The following ADAMTSL1 variants were observed in gnomAD, a reference collection of about 807,000 sequenced individuals.
ADAMTSL1 encodes the protein ADAMTS like 1, also known as ADAMTS-like protein 1.
In ADAMTSL1, 126 loss-of-function variants were observed where a neutral mutation model predicts 201.8. The ratio of observed to expected loss-of-function variants is 0.62; its 90% CI spans 0.54 to 0.72. The LOEUF is 0.72. ADAMTSL1 is among the 30% of genes least tolerant of loss of function. ADAMTSL1 has a pLI of 0.00. For synonymous variants in ADAMTSL1, 1,121 were observed against 903.4 expected, an observed-to-expected ratio of 1.24 and a Z score of -4.32; for missense variants, 2,679 against 2,277.8, an observed-to-expected ratio of 1.18 and a Z score of -3.59.
In ADAMTSL1 at chr9:18,286,981, T is replaced by C. The variant is rs534904901; in HGVS notation, c.207+123000T>C. On this transcript the variant is annotated intron_variant, in intron 2 of 29. Transcript: ENST00000680146. ...TTAAGAGATAAACTGTATAAAACAC[T>C]ATCAGCCAGGATAGGCCAAGGGTAA... Among the ~76,000 whole-genome samples, 20 of 152,310 alleles carry C rather than the reference T, an allele frequency of 1.3e-4. No homozygotes were observed. In the South Asian group the frequency reaches 4.1e-3, roughly 32 times the overall value.
At chr9:17,956,349 G>T (rs1206851259) in intron 1 of ADAMTSL1, among the ~76,000 whole-genome samples, 1 of 152,128 alleles carries the variant, frequency 6.6e-6, no homozygotes, top group Non-Finnish European at 1.5e-5. Context: ...TAGCATAATA[G>T]TATTGATAGT....
chr9:17,948,595 T>G (rs1827605525), intron 1 of ADAMTSL1, among the ~76,000 whole-genome samples: 1 of 152,216 alleles, frequency 6.6e-6, no homozygotes, highest in Non-Finnish European at 1.5e-5. Context: ...GTCAGATGAA[T>G]ACTAGTTTCT....
chr9:18,818,762 C>T (rs1824018596), intron 21 of ADAMTSL1, among the ~76,000 whole-genome samples: 1 of 152,002 alleles, frequency 6.6e-6, no homozygotes. Context: ...AGCACTCCAG[C>T]CTGGGTGACA....
chr9:18,561,468 T>A (rs1821493243), intron 3 of ADAMTSL1, among the ~76,000 whole-genome samples: 1 of 152,176 alleles, frequency 6.6e-6, no homozygotes, highest in Non-Finnish European at 1.5e-5. Flanking sequence ...AATTTTAGAA[T>A]AAGTGTAATG....
chr9:18,587,711 C>T (rs1823601539), intron 4 of ADAMTSL1, among the ~76,000 whole-genome samples: 2 of 152,122 alleles, frequency 1.3e-5, no homozygotes, highest in Admixed American at 1.3e-4. Context: ...TTTTAGCTCC[C>T]ACATATGAGT....
chr9:18,582,820 G>T (rs1823191592), intron 4 of ADAMTSL1, among the ~76,000 whole-genome samples: 1 of 151,398 alleles, frequency 6.6e-6, no homozygotes, highest in Non-Finnish European at 1.5e-5. Flanking sequence ...CTGCACTCCA[G>T]CCTGGGCGAC....
At chr9:18,201,603 C>T (rs543586520) in intron 2 of ADAMTSL1, among the ~76,000 whole-genome samples, 21 of 151,886 alleles carry the variant, frequency 1.4e-4, no homozygotes, top group African/African-American at 3.6e-4. Context: ...TGTTTTATTG[C>T]GATAAGAGCA....
In ADAMTSL1 at chr9:18,232,301, C is replaced by T. The variant is rs532616478; in HGVS notation, c.207+68320C>T. On this transcript the variant is annotated intron_variant, in intron 2 of 29. Coordinates refer to the ADAMTSL1 transcript ENST00000680146. ...ATATCTACAAAGTTGTCCCCCTTGC[C>T]GAATTCAAATCTTTTCTCAAATGGC... Among the ~76,000 whole-genome samples the T allele has an allele frequency of 2.8e-4, 42 of 152,192 alleles. No individual in the cohort carries two copies. The South Asian group carries it at 5.8e-3, about 21-fold the overall frequency.
intron 1 of ADAMTSL1, among the ~76,000 whole-genome samples, chr9:18,074,825 A>G (rs557503317): frequency 3.5e-4 from 53 of 152,256 alleles, no homozygotes; most frequent in African/African-American, 1.2e-3. Flanking sequence ...TCCTAACCTC[A>G]GGTGATCCAC....
At chr9:18,182,129 G>A (rs551858280) in intron 2 of ADAMTSL1, among the ~76,000 whole-genome samples, 1 of 147,906 alleles carries the variant, frequency 6.8e-6, no homozygotes, top group African/African-American at 2.5e-5. Flanking sequence ...CACACTCTGG[G>A]GCCTGTTGTG....
At chr9:18,604,874 C>T (rs1202239588) in intron 4 of ADAMTSL1, among the ~76,000 whole-genome samples, 1 of 152,184 alleles carries the variant, frequency 6.6e-6, no homozygotes, top group African/African-American at 2.4e-5. Flanking sequence ...ACATTCCCAC[C>T]AGTTCTGCCT....
chr9:18,731,886 T>C (rs1282743929), intron 15 of ADAMTSL1, among the ~76,000 whole-genome samples: 1 of 152,156 alleles, frequency 6.6e-6, no homozygotes, highest in Non-Finnish European at 1.5e-5. Flanking sequence ...AAACCATTCA[T>C]GAGAAGCCAT....
intron 2 of ADAMTSL1, among the ~76,000 whole-genome samples, chr9:18,359,810 G>GCC (rs1458111666): frequency 4.2e-4 from 37 of 87,330 alleles, no homozygotes; most frequent in Admixed American, 9.2e-4. Flanking sequence ...CAGGGTTAAT[G>GCC]CCCCACCTCC....
intron 1 of ADAMTSL1, among the ~76,000 whole-genome samples, chr9:17,916,874 TGTC>T (rs1826116715): frequency 6.6e-6 from 1 of 152,168 alleles, no homozygotes; most frequent in Non-Finnish European, 1.5e-5. Context: ...TTGAGAGAAT[TGTC>T]GTTTTACTAA....
chr9:18,157,036 C>T (rs1381523311), intron 1 of ADAMTSL1, among the ~76,000 whole-genome samples: 1 of 151,998 alleles, frequency 6.6e-6, no homozygotes, highest in African/African-American at 2.4e-5. Flanking sequence ...GTTCTCTCTA[C>T]CCTACATCTA....
At chr9:18,594,654 G>T (rs1354106627) in intron 4 of ADAMTSL1, among the ~76,000 whole-genome samples, 1 of 152,100 alleles carries the variant, frequency 6.6e-6, no homozygotes. Flanking sequence ...CTCCAAGGTT[G>T]ATTTTTAAAA....
At chr9:18,617,084 G>A (rs936883415) in intron 4 of ADAMTSL1, among the ~76,000 whole-genome samples, 6 of 152,136 alleles carry the variant, frequency 3.9e-5, no homozygotes, top group Admixed American at 2.0e-4. Context: ...AGCTTTAAAA[G>A]TTTCTTACCT....
intron 2 of ADAMTSL1, among the ~76,000 whole-genome samples, chr9:18,525,207 A>G (rs1818959763): frequency 6.6e-6 from 1 of 152,182 alleles, no homozygotes; most frequent in Non-Finnish European, 1.5e-5. Context: ...CACTTCTTCT[A>G]GATTTTCTAC....
intron 23 of ADAMTSL1, among the ~76,000 whole-genome samples, chr9:18,837,997 A>G (rs1825424181): frequency 6.6e-6 from 1 of 152,110 alleles, no homozygotes; most frequent in African/African-American, 2.4e-5. Context: ...AGACCCTAAA[A>G]GATGCACTAT....
Sources: gnomAD v4.1 joint callset for allele counts (sites outside exome capture counted in the v4.1 genomes callset) on GRCh38, gnomAD v4.1.1 for gene constraint, MANE v1.5 for transcripts, NCBI Gene and HGNC (gene_info 2026-07-23, HGNC 2026-07-21) for gene names.